The following HDAC2 variants were observed in gnomAD, a reference collection of about 807,000 sequenced individuals.
HDAC2 encodes the protein YY1-associated factor 1.
HDAC2 carries 5 observed loss-of-function variants against 68.5 expected under a neutral mutation model. That is an observed-to-expected ratio of 0.07 (90% CI 0.04 to 0.15). The LOEUF (loss-of-function observed/expected upper bound fraction) is 0.15, where lower values mean the gene tolerates loss of function less well. HDAC2 is among the 10% of genes least tolerant of loss of function. The pLI is 1.00. For synonymous variants in HDAC2, 182 were observed against 191.3 expected (o/e 0.95, Z 0.40); for missense variants, 291 against 600.8 (o/e 0.48, Z 5.39).
chr6:113,965,261 G>A (rs1776784646), intron 1 of HDAC2, among the ~76,000 whole-genome samples: 1 of 152,072 alleles, frequency 6.6e-6, no homozygotes, highest in African/African-American at 2.4e-5. Context: ...TTTGCTATTT[G>A]TAATATCTTA....
chr6:113,965,048 T>G (rs1297443864), intron 1 of HDAC2, among the ~76,000 whole-genome samples: 1 of 152,262 alleles, frequency 6.6e-6, no homozygotes, highest in African/African-American at 2.4e-5. Flanking sequence ...TTCCAGCCTA[T>G]ATTCCACAAC....
chr6:113,950,833 A>G (rs1290012938), intron 6 of HDAC2, among the ~76,000 whole-genome samples: 2 of 152,172 alleles, frequency 1.3e-5, no homozygotes, highest in Non-Finnish European at 2.9e-5. Flanking sequence ...GTCCAATTTT[A>G]CAAAAGCAAA....
At chr6:113,947,137 C>A (rs957641215) in intron 8 of HDAC2, 2 of 152,024 alleles carry the variant, frequency 1.3e-5, no homozygotes, top group Non-Finnish European at 2.9e-5. Flanking sequence ...CAGATAAAAA[C>A]CATTTGGATA....
At position 113,938,587 on chromosome 6, in the gene HDAC2, AGTT is replaced by A. The variant is rs565217508; in HGVS notation, c.*2468_*2470del. The A allele has an allele frequency of 1.6e-4, 24 of 152,314 alleles. No homozygotes were observed. Among genetic ancestry groups the A allele is most frequent in the South Asian group, 1.5e-3 (7 of 4,822 alleles). The allele number at this position is 152,314 out of a possible 1,614,324, so 9.4% of individuals were successfully genotyped here. ...AAACTGGGTTTTCCATTTGGTTACC[AGTT>A]GTTGTCCCAATTCCACTTACAAAAT... On this transcript the variant is annotated 3_prime_UTR_variant, in exon 14 of 14. Coordinates refer to ENST00000519065, the MANE Select transcript of HDAC2 (RefSeq NM_001527.4).
chr6:113,970,200 T>C (rs2114628174), intron 1 of HDAC2: 1 of 152,556 alleles, frequency 6.6e-6, no homozygotes, highest in East Asian at 1.9e-4. Flanking sequence ...ATGGGTGTGA[T>C]AAAGCCACAC....
intron 1 of HDAC2, among the ~76,000 whole-genome samples, chr6:113,963,178 G>A (rs1207530127): frequency 2.6e-5 from 4 of 151,384 alleles, no homozygotes. Flanking sequence ...CCACCTCTGG[G>A]GTTCAAGCAA....
intron 5 of HDAC2, 45 bp downstream of exon 5, chr6:113,955,968 A>G: frequency 7.0e-7 from 1 of 1,429,070 alleles, no homozygotes; most frequent in Non-Finnish European, 9.5e-7. Context: ...TGTTTTAATG[A>G]AAACACTTTA....
At position 113,941,082 on chromosome 6, in the gene HDAC2, T is replaced by A. The variant is rs768868350; in HGVS notation, c.1443A>T (p.Lys481Asn). Residue 481 changes from lysine to asparagine, a missense_variant, in exon 14 of 14, where the codon AAA becomes AAT. By Grantham distance (94) the Lys-to-Asn change is moderately conservative. Coordinates refer to ENST00000519065, the MANE Select transcript of HDAC2 (RefSeq NM_001527.4). ...SGEKTDTKGT[K>N]SEQLSNP ...TTCAGGGGTTGCTGAGCTGTTCTGATTTGGTTCTGTTAAAAGAGGCAATGT... is the reference window on the plus strand; with the variant it reads ...TTCAGGGGTTGCTGAGCTGTTCTGAATTGGTTCTGTTAAAAGAGGCAATGT... 7 of 1,609,784 alleles carry A rather than the reference T, an allele frequency of 4.3e-6. No individual in the cohort carries two copies. The South Asian group carries it at 7.7e-5, about 18-fold the overall frequency.
At chr6:113,943,791 T>C (rs1288374605) in intron 11 of HDAC2, among the ~76,000 whole-genome samples, 1 of 152,118 alleles carries the variant, frequency 6.6e-6, no homozygotes, top group Non-Finnish European at 1.5e-5. Flanking sequence ...GTTTTTCTAA[T>C]AGGGGATGGG....
At position 113,940,755 on chromosome 6, in the gene HDAC2, T is replaced by G. The variant is rs905146368; in HGVS notation, c.*303A>C. On this transcript the variant is annotated 3_prime_UTR_variant, in exon 14 of 14. Coordinates refer to ENST00000519065, the MANE Select transcript of HDAC2 (RefSeq NM_001527.4). ...TTTTAATAAAGATAATTACAAAAGA[T>G]GGAAAAATCAGCTCAGAAAGGCCAA... 3.8e-6 allele frequency: 1 copy of G among 265,840 alleles called. No homozygotes were observed. Among genetic ancestry groups the G allele is most frequent in the South Asian group, 1.0e-4 (1 of 9,842 alleles). 16.5% of individuals were successfully genotyped at this position (265,840 alleles called of 1,614,324 possible). A position where few individuals can be genotyped will look rare whatever the true frequency, so the allele number is the denominator to read the frequency against.
intron 9 of HDAC2, 41 bp from the exon 10 acceptor site, chr6:113,945,511 A>C: frequency 1.1e-6 from 1 of 950,726 alleles, no homozygotes; most frequent in Non-Finnish European, 1.7e-6. Context: ...TTACAAGCTC[A>C]GTTTTCACAA....
At chr6:113,955,025 T>C (rs971269889) in intron 5 of HDAC2, among the ~76,000 whole-genome samples, 3 of 152,220 alleles carry the variant, frequency 2.0e-5, no homozygotes, top group Admixed American at 6.5e-5. Context: ...ACTAACTCAA[T>C]AGGTAAAAAA....
In HDAC2 at chr6:113,933,927, C is replaced by T. The variant is rs939531301; in HGVS notation, c.*7131G>A. ...TTACATGTTCAAATTAGTATAGTTC[C>T]TGTCTCCTGACTGAACGCTGATGCA... On this transcript the variant is annotated 3_prime_UTR_variant, in exon 14 of 14. Transcript: ENST00000519065. The T allele has an allele frequency of 6.6e-6, 1 of 151,840 alleles. No homozygotes were observed. Among genetic ancestry groups the T allele is most frequent in the Non-Finnish European group, 1.5e-5 (1 of 67,984 alleles). 9.4% of individuals were successfully genotyped at this position (151,840 alleles called of 1,614,324 possible). A position where few individuals can be genotyped will look rare whatever the true frequency, so the allele number is the denominator to read the frequency against.
rs1436704404 is a variant in HDAC2, at chr6:113,934,305, GA to G, written c.*6752del. 3.3e-5 allele frequency: 5 copies of G among 152,336 alleles called. No individual in the cohort carries two copies. The highest frequency in any genetic ancestry group is 4.1e-4 in the South Asian group (2 of 4,832). The allele number at this position is 152,336 out of a possible 1,614,324, so 9.4% of individuals were successfully genotyped here. On this transcript the variant is annotated 3_prime_UTR_variant, in exon 14 of 14. Transcript: ENST00000519065. ...AATTTGTGACATCAGACAGGTAAAA[GA>G]CGGAGTGCTGGAAAAGCATGTCAGC...
chr6:113,949,073 C>A lies in HDAC2; in HGVS notation c.747G>T (p.Val249=). The part of the protein sequence containing the change: ...GQIFKPIISK[V]MEMYQPSAVV... ...CAGCACTAGGTTGATACATCTCCAT[C>A]ACCTTTGAGATAATCTACACACAAG... is the stretch of plus-strand genomic sequence containing the variant. The change falls in exon 8 of 14, where the codon GTG becomes GTT. Residue 249 remains valine, a synonymous_variant. Coordinates refer to ENST00000519065, the MANE Select transcript of HDAC2 (RefSeq NM_001527.4). 1 of 1,613,350 alleles carries A rather than the reference C, an allele frequency of 6.2e-7. No homozygotes were observed. The highest frequency in any genetic ancestry group is 1.1e-5 in the South Asian group (1 of 91,052).
chr6:113,953,620 T>TA (rs1242739015), intron 5 of HDAC2, among the ~76,000 whole-genome samples: 2 of 152,208 alleles, frequency 1.3e-5, no homozygotes, highest in African/African-American at 4.8e-5. Flanking sequence ...CAATGTAGGT[T>TA]AAAAAATATA....
At position 113,938,634 on chromosome 6, in the gene HDAC2, T is replaced by C. The variant is rs990981755; in HGVS notation, c.*2424A>G. ...ACAAAATAATGTCTTTCCTTGCCAA[T>C]TTCAAATATCATTTTTATCCTATAT... On this transcript the variant is annotated 3_prime_UTR_variant, in exon 14 of 14. Transcript: ENST00000519065. The C allele has an allele frequency of 5.3e-5, 8 of 152,238 alleles. No individual in the cohort carries two copies. The highest frequency in any genetic ancestry group is 1.0e-4 in the Non-Finnish European group (7 of 68,042). 9.4% of individuals were successfully genotyped at this position (152,238 alleles called of 1,614,324 possible).
chr6:113,969,895 A>G (rs914297577), intron 1 of HDAC2: 2 of 152,162 alleles, frequency 1.3e-5, no homozygotes, highest in Non-Finnish European at 2.9e-5. Context: ...CAAGATACCA[A>G]TGCTCTCTAA....
In HDAC2 at chr6:113,949,325, C is replaced by T. The variant is rs1776343758; in HGVS notation, c.640-65G>A. On this transcript the variant is annotated intron_variant, in intron 6 of 13. Coordinates refer to ENST00000519065, the MANE Select transcript of HDAC2 (RefSeq NM_001527.4). ...TAATAAAAAGTTTGGCATTTGTTTACTACATTTTGAAAAGACTGAAAGACT... is the reference window on the plus strand; with the variant it reads ...TAATAAAAAGTTTGGCATTTGTTTATTACATTTTGAAAAGACTGAAAGACT... 9.8e-6 allele frequency: 10 copies of T among 1,017,848 alleles called. No individual in the cohort carries two copies. The South Asian group carries it at 1.4e-4, about 14-fold the overall frequency. The allele number at this position is 1,017,848 out of a possible 1,614,324, so 63.1% of individuals were successfully genotyped here.
Sources: gnomAD v4.1 joint callset for allele counts (sites outside exome capture counted in the v4.1 genomes callset) on GRCh38, gnomAD v4.1.1 for gene constraint, MANE v1.5 for transcripts, NCBI Gene and HGNC (gene_info 2026-07-23, HGNC 2026-07-21) for gene names.